The following SLC16A5 variants were observed in gnomAD, a reference collection of about 807,000 sequenced individuals.
The protein encoded by SLC16A5 is monocarboxylate transporter 6.
Under a neutral mutation model 33.2 loss-of-function variants are expected in SLC16A5, and 29 were observed. The observed-to-expected ratio is 0.87, with a 90% confidence interval of 0.65 to 1.19. The LOEUF (loss-of-function observed/expected upper bound fraction) is 1.19, where lower values mean the gene tolerates loss of function less well. Ranked by LOEUF, SLC16A5 falls within the 50% of genes most tolerant of loss-of-function variation. SLC16A5 has a pLI of 0.00. For missense variants in SLC16A5, 606 were observed against 678.2 expected (o/e 0.89, Z 1.18); for synonymous variants, 248 against 284.1 (o/e 0.87, Z 1.28).
intron 3 of SLC16A5, among the ~76,000 whole-genome samples, chr17:75,095,095 C>A (rs1371284739): frequency 6.6e-6 from 1 of 152,240 alleles, no homozygotes; most frequent in Non-Finnish European, 1.5e-5. Context: ...TCCCCGGCTA[C>A]CTCCTGGCTA....
chr17:75,095,350 C>A (rs1296652644), intron 3 of SLC16A5, among the ~76,000 whole-genome samples: 1 of 152,200 alleles, frequency 6.6e-6, no homozygotes, highest in Non-Finnish European at 1.5e-5. Context: ...TACTCCCCAG[C>A]TGACTTGCGG....
At chr17:75,106,510 C>T (rs144942772), downstream of SLC16A5, among the ~76,000 whole-genome samples, 2,783 of 149,588 alleles carry the variant, frequency 0.019, 63 homozygotes, top group African/African-American at 0.054. Context: ...CCCAGCTACT[C>T]GGGAGGTTGA....
At chr17:75,107,741 A>G (rs528849553), downstream of SLC16A5, among the ~76,000 whole-genome samples, 234 of 152,356 alleles carry the variant, frequency 1.5e-3, 1 homozygote, top group Non-Finnish European at 2.8e-3. Flanking sequence ...GATCGAGACC[A>G]TCCTGGCTAA....
intron 2 of SLC16A5, among the ~76,000 whole-genome samples, chr17:75,092,822 C>CGTGTGT (rs10541835): frequency 2.1e-4 from 29 of 135,974 alleles, no homozygotes; most frequent in African/African-American, 6.4e-4. Context: ...TGTGCCACTG[C>CGTGTGT]GTGTGTGTGT....
intron 5 of SLC16A5, 143 bp from the exon 6 acceptor site, chr17:75,103,827 A>G (rs2073829042): frequency 8.6e-6 from 6 of 695,362 alleles, no homozygotes; most frequent in Admixed American, 5.3e-5. Flanking sequence ...TCATTCTTCA[A>G]GTATCTGTTG....
chr17:75,105,011 T>C, intron 6 of SLC16A5: 1 of 985,460 alleles, frequency 1.0e-6, no homozygotes, highest in Non-Finnish European at 1.2e-6. Flanking sequence ...CACCTTCCTC[T>C]AGGTTCCTCC....
At chr17:75,104,415 CTTTTTTTTTTT>C in intron 6 of SLC16A5, 1 of 1,004,250 alleles carries the variant, frequency 1.0e-6, no homozygotes, top group East Asian at 8.2e-5. Flanking sequence ...CTGAGAAACT[CTTTTTTTTTTT>C]TTTTTTTTTT....
At chr17:75,095,341 A>G (rs1230925329) in intron 3 of SLC16A5, among the ~76,000 whole-genome samples, 1 of 150,658 alleles carries the variant, frequency 6.6e-6, no homozygotes, top group Non-Finnish European at 1.5e-5. Flanking sequence ...CGGGGAACCT[A>G]CTCCCCAGCT....
chr17:75,092,466 C>T (rs2073652684), intron 2 of SLC16A5, among the ~76,000 whole-genome samples: 1 of 151,734 alleles, frequency 6.6e-6, no homozygotes, highest in Non-Finnish European at 1.5e-5. Flanking sequence ...AAGCGATTCT[C>T]CTGCCTCAGC....
intron 5 of SLC16A5, among the ~76,000 whole-genome samples, chr17:75,101,054 C>A (rs1361662483): frequency 1.7e-4 from 24 of 141,458 alleles, no homozygotes; most frequent in Middle Eastern, 5.0e-3. Context: ...CGAGACCATC[C>A]TGGCCAACAT....
At chr17:75,109,869 A>G (rs1340724336), downstream of SLC16A5, 2 of 200,666 alleles carry the variant, frequency 1.0e-5, no homozygotes, top group Non-Finnish European at 2.1e-5. This position sits in a 1 kb window ranked among gnomAD's most constrained non-coding sequence, Gnocchi z 5.0. Context: ...GAGCTTCGGC[A>G]TCCAGAAAAC....
At chr17:75,104,443 G>T in intron 6 of SLC16A5, 1 of 1,219,762 alleles carries the variant, frequency 8.2e-7, no homozygotes, top group Non-Finnish European at 1.0e-6. Flanking sequence ...TTTTGAGGCG[G>T]AGTTTCACTC....
intron 2 of SLC16A5, 192 bp from the exon 3 acceptor site, chr17:75,093,397 G>A (rs1182955249): frequency 6.5e-7 from 1 of 1,535,680 alleles, no homozygotes; most frequent in South Asian, 1.2e-5. Context: ...GCTGGCTCTG[G>A]GAAGTGGGTG....
chr17:75,106,591 TTA>T (rs1491160296), downstream of SLC16A5, among the ~76,000 whole-genome samples: 1 of 88,452 alleles, frequency 1.1e-5, no homozygotes, highest in African/African-American at 4.9e-5. Flanking sequence ...TGTCTTTTTT[TTA>T]AAAAAAAAAA....
intron 5 of SLC16A5, among the ~76,000 whole-genome samples, chr17:75,103,389 G>T (rs1190445226): frequency 6.7e-6 from 1 of 150,284 alleles, no homozygotes; most frequent in Non-Finnish European, 1.5e-5. Context: ...GAGTGCAGTG[G>T]TACGATCTTG....
chr17:75,101,282 C>A (rs2073796115), intron 5 of SLC16A5, among the ~76,000 whole-genome samples: 1 of 147,994 alleles, frequency 6.8e-6, no homozygotes, highest in Non-Finnish European at 1.5e-5. Flanking sequence ...GGTTTGTGAC[C>A]AGGTGCGGTG....
At chr17:75,089,854 A>G (rs1278126049) in intron 2 of SLC16A5, 1 of 152,018 alleles carries the variant, frequency 6.6e-6, no homozygotes, top group African/African-American at 2.4e-5. Flanking sequence ...CTAGGGCTGA[A>G]TCTTCTTTTA....
rs745542558 is a variant in SLC16A5 at position 75,093,588 on chromosome 17, G to T, written c.-48-1G>T. On this transcript the variant is annotated splice_acceptor_variant, in intron 2 of 6. Transcript: ENST00000329783. LOFTEE classifies it low-confidence loss of function (5UTR_SPLICE). ...CAGGCTCCATTCTGTCCCCTCCCCA[G>T]GCAGCAGCCACATTGGCAGTGAGGC... 6.3e-7 allele frequency: 1 copy of T among 1,577,976 alleles called. No individual in the cohort carries two copies. The highest frequency in any genetic ancestry group is 8.6e-7 in the Non-Finnish European group (1 of 1,166,968).
chr17:75,099,878 G>A, intron 4 of SLC16A5, 129 bp from the exon 5 acceptor site: 1 of 877,534 alleles, frequency 1.1e-6, no homozygotes, highest in Non-Finnish European at 1.7e-6. Flanking sequence ...CAGTCCCCAG[G>A]GACTTGGAGC....
Sources: allele counts gnomAD v4.1 joint callset (sites outside exome capture counted in the v4.1 genomes callset), GRCh38; gene constraint gnomAD v4.1.1; non-coding constraint Gnocchi (gnomAD v3.1); transcripts MANE v1.5; gene names NCBI Gene and HGNC (gene_info 2026-07-23, HGNC 2026-07-21).